Variants in ANKS1A observed in about 807,000 individuals in gnomAD.
ANKS1A encodes the protein ankyrin repeat and SAM domain-containing protein 1A.
A neutral mutation model predicts 120.3 loss-of-function variants in ANKS1A; 55 were observed. That is an observed-to-expected ratio of 0.46 (90% CI 0.37 to 0.57). The LOEUF (loss-of-function observed/expected upper bound fraction) is 0.57. Among genes scored for constraint, ANKS1A ranks in the 20% least tolerant of loss-of-function variants. The pLI, the probability that ANKS1A is intolerant of heterozygous loss-of-function variation, is 0.00. For missense variants in ANKS1A, 1,123 were observed against 1,480.3 expected (o/e 0.76, Z 3.96); for synonymous variants, 590 against 604.7 (o/e 0.98, Z 0.36).
chr6:34,989,533 A>G (rs371383988), intron 9 of ANKS1A, among the ~76,000 whole-genome samples: 14 of 152,328 alleles, frequency 9.2e-5, no homozygotes, highest in African/African-American at 2.9e-4. Context: ...GATCTGCCAT[A>G]CCACACGGAA....
intron 16 of ANKS1A, 59 bp from the exon 17 acceptor site, chr6:35,080,935 C>T: frequency 6.4e-7 from 1 of 1,574,322 alleles, no homozygotes; most frequent in Non-Finnish European, 8.7e-7. Context: ...CTGGCTGATA[C>T]CTGTAGTCGG....
intron 10 of ANKS1A, among the ~76,000 whole-genome samples, chr6:35,006,492 C>A (rs958654310): frequency 6.6e-6 from 1 of 151,564 alleles, no homozygotes; most frequent in Non-Finnish European, 1.5e-5. Flanking sequence ...TGGTGGCTCA[C>A]GCCTGTAATC....
Position 35,083,168 on chromosome 6 carries a change from T to C in ANKS1A, c.2849T>C (p.Met950Thr). Residue 950 changes from methionine to threonine, a missense_variant, in exon 19 of 24, where the codon ATG becomes ACG. Coordinates refer to ENST00000360359, the MANE Select transcript of ANKS1A (RefSeq NM_015245.3). ...CGYEANYLGS[M>T]LIKDLRGTES... is the part of the protein sequence containing the mutation. ...TCGCCCCCACAGTATCTGGGCTCCA[T>C]GCTGATCAAAGATCTGCGAGGGACA... 1 of 1,614,126 alleles carries C rather than the reference T, an allele frequency of 6.2e-7. No individual in the cohort carries two copies. The highest frequency in any genetic ancestry group is 1.1e-5 in the South Asian group (1 of 91,076).
At chr6:35,064,628 C>T (rs1178425674) in intron 13 of ANKS1A, among the ~76,000 whole-genome samples, 1 of 152,240 alleles carries the variant, frequency 6.6e-6, no homozygotes, top group Non-Finnish European at 1.5e-5. Flanking sequence ...CTCCAGCCCT[C>T]TAAACCAGCT....
intron 1 of ANKS1A, among the ~76,000 whole-genome samples, chr6:34,957,913 A>G (rs913425651): frequency 2.6e-5 from 4 of 152,248 alleles, no homozygotes; most frequent in Non-Finnish European, 5.9e-5. Context: ...TCTTACCTGT[A>G]AAATGGAAAT....
rs757250412 is a variant in ANKS1A at position 35,084,238 on chromosome 6, G to A, written c.3112G>A (p.Val1038Met). Reference sequence around the variant, plus strand: ...GCAGACCAGCCACCACTATTGCCATGTGTTCAGCACCGTGGATGTGGTGGG... The same window carrying A: ...GCAGACCAGCCACCACTATTGCCATATGTTCAGCACCGTGGATGTGGTGGG... ...DLQTSHHYCHVFSTVDVNLTY... is the reference protein window; with the variant it reads ...DLQTSHHYCHMFSTVDVNLTY... The change falls in exon 21 of 24, where the codon GTG becomes ATG. Residue 1038 changes from valine to methionine, a missense_variant. Val to Met is a conservative substitution (Grantham distance 21). Coordinates refer to ENST00000360359, the MANE Select transcript of ANKS1A (RefSeq NM_015245.3). This position sits in a 1 kb window ranked among gnomAD's most constrained non-coding sequence, Gnocchi z 4.8. 2 of 1,614,234 alleles carry A rather than the reference G, an allele frequency of 1.2e-6. No homozygotes were observed. The highest frequency in any genetic ancestry group is 1.7e-6 in the Non-Finnish European group (2 of 1,180,040).
rs1028529320 is a variant in ANKS1A, at chr6:35,057,990, C to T, written c.2078-2157C>T. ...AGCTAGAGGTAAAGTTTCATATCTC[C>T]GCCCTTCATATGCATTTGTGCAGCC... On this transcript the variant is annotated intron_variant, in intron 12 of 23. Transcript: ENST00000360359. The surrounding 1 kb of genome is among the most constrained non-coding windows in gnomAD (Gnocchi z 4.1). Among the ~76,000 whole-genome samples, 5 of 152,194 alleles carry T rather than the reference C, an allele frequency of 3.3e-5. No homozygotes were observed. The highest frequency in any genetic ancestry group is 4.1e-4 in the South Asian group (2 of 4,836).
intron 1 of ANKS1A, among the ~76,000 whole-genome samples, chr6:34,895,256 C>T (rs568271512): frequency 5.8e-4 from 86 of 148,988 alleles, no homozygotes; most frequent in South Asian, 2.1e-3. Context: ...CTAATGTTGT[C>T]CAGGCTGACC....
intron 1 of ANKS1A, among the ~76,000 whole-genome samples, chr6:34,938,923 G>A (rs1769395393): frequency 6.6e-6 from 1 of 152,200 alleles, no homozygotes; most frequent in South Asian, 2.1e-4. Flanking sequence ...GGGAGGTGGA[G>A]GTTACAGTGA....
At chr6:34,966,766 A>C (rs762634517) in intron 1 of ANKS1A, among the ~76,000 whole-genome samples, 2 of 152,230 alleles carry the variant, frequency 1.3e-5, no homozygotes, top group Non-Finnish European at 1.5e-5. Context: ...AGGAAAGGCA[A>C]AATCGTCTCT....
At chr6:35,009,998 A>G in intron 10 of ANKS1A, 2 of 238,842 alleles carry the variant, frequency 8.4e-6, no homozygotes, top group Admixed American at 5.3e-5. Flanking sequence ...TGGGCAACAT[A>G]GTGAGATCTT....
At chr6:35,013,067 A>T (rs180729502) in intron 10 of ANKS1A, among the ~76,000 whole-genome samples, 15 of 152,260 alleles carry the variant, frequency 9.9e-5, no homozygotes, top group Middle Eastern at 3.4e-3. Flanking sequence ...CTGGGATTAC[A>T]GGCATGTACT....
Position 35,025,156 on chromosome 6 carries a change from T to A in ANKS1A, c.2010+7097T>A, listed in dbSNP as rs148140503. Among the ~76,000 whole-genome samples the A allele has an allele frequency of 1.5e-4, 23 of 152,242 alleles. No homozygotes were observed. The East Asian group carries it at 3.7e-3, about 24-fold the overall frequency. On this transcript the variant is annotated intron_variant, in intron 11 of 23. Transcript: ENST00000360359. ...TATTGAGGTAATTTGTTCATATTTT[T>A]AAAATAATCTCATTTATTTTATAGG...
intron 1 of ANKS1A, among the ~76,000 whole-genome samples, chr6:34,916,459 C>G (rs551083613): frequency 4.6e-5 from 7 of 152,184 alleles, no homozygotes; most frequent in Admixed American, 1.3e-4. Flanking sequence ...GAGACTGCTG[C>G]TGGAGACTGC....
At chr6:34,976,544 C>T (rs1771596113) in intron 3 of ANKS1A, among the ~76,000 whole-genome samples, 1 of 152,016 alleles carries the variant, frequency 6.6e-6, no homozygotes, top group Non-Finnish European at 1.5e-5. Flanking sequence ...AATGATTTCA[C>T]AGTCTTAGAA....
intron 10 of ANKS1A, among the ~76,000 whole-genome samples, chr6:35,005,330 TTACC>T (rs1773393886): frequency 6.6e-6 from 1 of 152,234 alleles, no homozygotes; most frequent in Non-Finnish European, 1.5e-5. Flanking sequence ...ACTGAGCAAC[TTACC>T]TTATTGATTA....
intron 1 of ANKS1A, among the ~76,000 whole-genome samples, chr6:34,952,695 G>T (rs566416813): frequency 1.3e-3 from 203 of 151,472 alleles, no homozygotes; most frequent in African/African-American, 4.6e-3. Flanking sequence ...TAACTTCGAA[G>T]AATATATTTA....
chr6:34,941,424 T>C (rs956079848), intron 1 of ANKS1A, among the ~76,000 whole-genome samples: 2 of 151,910 alleles, frequency 1.3e-5, no homozygotes, highest in African/African-American at 4.8e-5. Flanking sequence ...ACGCTTAATA[T>C]ATTATTATTA....
intron 13 of ANKS1A, among the ~76,000 whole-genome samples, chr6:35,063,387 G>A (rs1025555691): frequency 7.9e-5 from 12 of 152,254 alleles, no homozygotes; most frequent in South Asian, 4.1e-4. Context: ...GCGTGCTAGC[G>A]CAGGTCTGAT....
Sources: allele counts gnomAD v4.1 joint callset (sites outside exome capture counted in the v4.1 genomes callset), GRCh38; gene constraint gnomAD v4.1.1; non-coding constraint Gnocchi (gnomAD v3.1); transcripts MANE v1.5; gene names NCBI Gene and HGNC (gene_info 2026-07-23, HGNC 2026-07-21).